Variants in DGKI observed in about 807,000 individuals in gnomAD.
DGKI encodes the protein diacylglycerol kinase iota.
Under a neutral mutation model 147.5 loss-of-function variants are expected in DGKI, and 55 were observed. The observed-to-expected ratio is 0.37, with a 90% CI of 0.30 to 0.47. The LOEUF (loss-of-function observed/expected upper bound fraction) is 0.47, where lower values mean the gene tolerates loss of function less well. Ranked by LOEUF, DGKI falls within the 20% of genes least tolerant of loss-of-function variation. DGKI has a pLI of 1.00. For synonymous variants in DGKI, 469 were observed against 477.1 expected, an observed-to-expected ratio of 0.98 and a Z score of 0.22; for missense variants, 1,007 against 1,323.8, an observed-to-expected ratio of 0.76 and a Z score of 3.71.
chr7:137,825,143 T>C (rs1798018452), intron 1 of DGKI, among the ~76,000 whole-genome samples: 2 of 152,344 alleles, frequency 1.3e-5, no homozygotes, highest in East Asian at 3.9e-4. Context: ...ACAATAAAGC[T>C]CTGTAGTTCT....
chr7:137,506,327 T>C (rs1816367236), intron 21 of DGKI, among the ~76,000 whole-genome samples: 1 of 152,100 alleles, frequency 6.6e-6, no homozygotes, highest in Non-Finnish European at 1.5e-5. Flanking sequence ...TAAATGAAGA[T>C]TGCTAAGTGA....
intron 1 of DGKI, among the ~76,000 whole-genome samples, chr7:137,759,120 T>C (rs1465257450): frequency 6.6e-6 from 1 of 152,088 alleles, no homozygotes; most frequent in Non-Finnish European, 1.5e-5. Flanking sequence ...TCCTACTCCC[T>C]CAGCTTTTGG....
chr7:137,798,520 C>G (rs1320800990), intron 1 of DGKI, among the ~76,000 whole-genome samples: 1 of 152,164 alleles, frequency 6.6e-6, no homozygotes, highest in Non-Finnish European at 1.5e-5. Context: ...TTCCTGGGCT[C>G]CTGTGATCTT....
At chr7:137,557,608 G>A (rs1460268198) in intron 19 of DGKI, among the ~76,000 whole-genome samples, 5 of 152,154 alleles carry the variant, frequency 3.3e-5, no homozygotes, top group African/African-American at 9.7e-5. Context: ...TGAAAGGGAG[G>A]AGAGAGTAAG....
At chr7:137,654,209 C>A (rs1822138054) in intron 5 of DGKI, among the ~76,000 whole-genome samples, 1 of 152,052 alleles carries the variant, frequency 6.6e-6, no homozygotes, top group African/African-American at 2.4e-5. Context: ...TTTTACTTAA[C>A]AAATGAAAAC....
At position 137,581,898 on chromosome 7, in the gene DGKI, T is replaced by A. The variant is rs1344195595; in HGVS notation, c.1594A>T (p.Ser532Cys). The A allele has an allele frequency of 1.9e-6, 3 of 1,613,460 alleles. No homozygotes were observed. The highest frequency in any genetic ancestry group is 2.5e-6 in the Non-Finnish European group (3 of 1,179,576). The part of the protein sequence containing the change: ...LPLNVFNNYF[S>C]LGFDAHVTLE... Reference sequence around the variant, plus strand: ...GTGACATGGGCATCAAATCCAAGGCTGAAGTAGTTATTGAAAACATTCAGA... The same window carrying A: ...GTGACATGGGCATCAAATCCAAGGCAGAAGTAGTTATTGAAAACATTCAGA... The change falls in exon 15 of 33, where the codon AGC becomes TGC. Residue 532 changes from serine (S) to cysteine (C), a missense_variant. By Grantham distance (112) the Ser-to-Cys change is moderately radical. Transcript: ENST00000614521.
At chr7:137,573,887 C>A (rs867498763) in intron 17 of DGKI, among the ~76,000 whole-genome samples, 70 of 152,354 alleles carry the variant, frequency 4.6e-4, no homozygotes, top group African/African-American at 1.5e-3. Flanking sequence ...GTTCCTTTCT[C>A]ATTTCCCACT....
intron 21 of DGKI, among the ~76,000 whole-genome samples, chr7:137,518,360 A>T (rs1816852468): frequency 1.3e-5 from 2 of 152,120 alleles, no homozygotes; most frequent in Non-Finnish European, 2.9e-5. Context: ...TTTTCTACTA[A>T]ATCACCAAAC....
At chr7:137,713,488 T>A (rs1794278173) in intron 1 of DGKI, among the ~76,000 whole-genome samples, 1 of 152,194 alleles carries the variant, frequency 6.6e-6, no homozygotes, top group South Asian at 2.1e-4. Flanking sequence ...ATGAGACACA[T>A]AATACACATT....
chr7:137,469,473 A>T, intron 24 of DGKI, 77 bp downstream of exon 24: 1 of 1,449,896 alleles, frequency 6.9e-7, no homozygotes, highest in South Asian at 1.2e-5. Context: ...GGAAAACTAG[A>T]GCCCACCCTA....
At chr7:137,540,761 C>A (rs765162856) in intron 20 of DGKI, among the ~76,000 whole-genome samples, 5,426 of 35,310 alleles carry the variant, frequency 0.15, 1,991 homozygotes, top group Non-Finnish European at 0.36. Flanking sequence ...AAAAACCCCC[C>A]CAAAAAAAAA....
intron 17 of DGKI, 23 bp downstream of exon 17, chr7:137,577,199 A>T: frequency 6.6e-7 from 1 of 1,525,908 alleles, no homozygotes; most frequent in Non-Finnish European, 9.0e-7. Context: ...CAAATTAAAT[A>T]AATCAACATA....
At chr7:137,842,242 C>G in intron 1 of DGKI, among the ~76,000 whole-genome samples, 1 of 152,270 alleles carries the variant, frequency 6.6e-6, no homozygotes, top group Non-Finnish European at 1.5e-5. Context: ...CAAGGAAGAC[C>G]AATATCCATT....
rs1822227747 is a variant in DGKI at position 137,656,493 on chromosome 7, G to A, written c.654C>T (p.His218=). 2 of 1,614,028 alleles carry A rather than the reference G, an allele frequency of 1.2e-6. No individual in the cohort carries two copies. Among genetic ancestry groups the A allele is most frequent in the Admixed American group, 1.7e-5 (1 of 60,006 alleles). The change falls in exon 4 of 33, where the codon CAC becomes CAT. Residue 218 remains histidine, a synonymous_variant. Coordinates refer to ENST00000614521, the MANE Select transcript of DGKI (RefSeq NM_001321708.2). ...RKCAVCKIVV[H]TACIEQLEKI... The stretch of plus-strand genomic sequence containing the variant: ...TTTCTAGCTGCTCAATGCAGGCGGT[G>A]TGGACGACGATTTTACAGACTGCAC...
At chr7:137,620,200 T>TG (rs1820698036) in intron 7 of DGKI, among the ~76,000 whole-genome samples, 1 of 152,144 alleles carries the variant, frequency 6.6e-6, no homozygotes, top group East Asian at 1.9e-4. Flanking sequence ...TTTACAAACT[T>TG]ATAACATTGA....
intron 21 of DGKI, among the ~76,000 whole-genome samples, chr7:137,499,502 G>A (rs540835508): frequency 3.9e-5 from 6 of 152,218 alleles, no homozygotes; most frequent in South Asian, 4.1e-4. Context: ...AAGTGTCATC[G>A]TGTCATCCAA....
intron 1 of DGKI, among the ~76,000 whole-genome samples, chr7:137,717,520 ATGTC>A (rs780540632): frequency 2.6e-5 from 4 of 152,284 alleles, no homozygotes; most frequent in East Asian, 1.9e-4. Context: ...GCATAAACAT[ATGTC>A]TGTCTGTCCG....
chr7:137,407,148 T>G (rs1439752854), intron 30 of DGKI, among the ~76,000 whole-genome samples: 1 of 152,210 alleles, frequency 6.6e-6, no homozygotes, highest in Non-Finnish European at 1.5e-5. Context: ...TTTTTCCCCT[T>G]TATTCCTGTT....
chr7:137,662,552 T>A (rs1006971683), intron 3 of DGKI, among the ~76,000 whole-genome samples: 2 of 151,840 alleles, frequency 1.3e-5, no homozygotes, highest in African/African-American at 4.9e-5. Flanking sequence ...CCCAGCACAC[T>A]TCTTTTATCC....
Sources: allele counts gnomAD v4.1 joint callset (sites outside exome capture counted in the v4.1 genomes callset), GRCh38; gene constraint gnomAD v4.1.1; transcripts MANE v1.5; gene names NCBI Gene and HGNC (gene_info 2026-07-23, HGNC 2026-07-21).